The following DAB1 variants were observed in gnomAD, a reference collection of about 807,000 sequenced individuals.
The protein encoded by DAB1 is disabled homolog 1.
In DAB1, 15 loss-of-function variants were observed where a neutral mutation model predicts 64.6. That is an observed-to-expected ratio of 0.23 (90% CI 0.16 to 0.36). The LOEUF is 0.36. Among genes scored for constraint, DAB1 ranks in the 10% least tolerant of loss-of-function variants. DAB1 has a pLI of 1.00. For missense variants in DAB1, 596 were observed against 706.7 expected (o/e 0.84, Z 1.78); for synonymous variants, 235 against 251.9 (o/e 0.93, Z 0.64).
chr1:58,373,044 T>A (rs1280196814), intron 3 of DAB1, among the ~76,000 whole-genome samples: 1 of 152,196 alleles, frequency 6.6e-6, no homozygotes, highest in Non-Finnish European at 1.5e-5. Context: ...TAATTCTCTG[T>A]GGAAGGAACA....
chr1:57,728,163 T>G (rs1450316971), intron 6 of DAB1, among the ~76,000 whole-genome samples: 1 of 152,242 alleles, frequency 6.6e-6, no homozygotes, highest in Non-Finnish European at 1.5e-5. Context: ...CTCTGTGTGC[T>G]GCAAAGAGAT....
chr1:58,235,428 T>C (rs1659977026), intron 4 of DAB1, among the ~76,000 whole-genome samples: 1 of 152,206 alleles, frequency 6.6e-6, no homozygotes, highest in South Asian at 2.1e-4. Context: ...ACCTGGGCTA[T>C]GAGGGTAAAA....
intron 1 of DAB1, among the ~76,000 whole-genome samples, chr1:58,537,158 T>A (rs900052865): frequency 6.6e-6 from 1 of 151,922 alleles, no homozygotes; most frequent in Admixed American, 6.6e-5. Flanking sequence ...GTTAGGTAAC[T>A]TGTCCATGGC....
At chr1:57,739,550 G>A (rs1265660974) in intron 6 of DAB1, among the ~76,000 whole-genome samples, 2 of 146,294 alleles carry the variant, frequency 1.4e-5, no homozygotes, top group East Asian at 2.1e-4. Flanking sequence ...AGGTTCAAGC[G>A]ATTCTCCTGC....
At chr1:58,333,424 G>A (rs768475488) in intron 4 of DAB1, among the ~76,000 whole-genome samples, 9 of 152,120 alleles carry the variant, frequency 5.9e-5, no homozygotes, top group Non-Finnish European at 1.3e-4. Context: ...AAAATTATAG[G>A]TGTCCACTAA....
At chr1:57,441,572 T>A (rs1002365780) in intron 7 of DAB1, among the ~76,000 whole-genome samples, 3 of 152,080 alleles carry the variant, frequency 2.0e-5, no homozygotes, top group African/African-American at 7.2e-5. Flanking sequence ...CAGGCTGGTC[T>A]CGAACTCCTG....
intron 9 of DAB1, among the ~76,000 whole-genome samples, chr1:57,060,653 CCT>C (rs765377637): frequency 3.9e-5 from 6 of 152,056 alleles, no homozygotes; most frequent in Non-Finnish European, 8.8e-5. Context: ...AGAAAGTCCC[CCT>C]GAGAACACAA....
At chr1:58,107,122 T>C (rs1218833282) in intron 5 of DAB1, among the ~76,000 whole-genome samples, 1 of 151,350 alleles carries the variant, frequency 6.6e-6, no homozygotes, top group Non-Finnish European at 1.5e-5. Flanking sequence ...AATTTCAATA[T>C]AGTGTGATAA....
intron 3 of DAB1, among the ~76,000 whole-genome samples, chr1:58,407,570 C>G (rs956874033): frequency 6.6e-6 from 1 of 152,120 alleles, no homozygotes; most frequent in Non-Finnish European, 1.5e-5. Context: ...AAGGATGCTG[C>G]TAAGTATCCC....
At chr1:58,193,810 C>T (rs1021406497) in intron 4 of DAB1, among the ~76,000 whole-genome samples, 11 of 151,600 alleles carry the variant, frequency 7.3e-5, no homozygotes, top group Non-Finnish European at 1.0e-4. Flanking sequence ...GAGCCAAGAT[C>T]GCACCATTGC....
At chr1:58,228,616 GC>G (rs1034430426) in intron 4 of DAB1, 1 of 692,804 alleles carries the variant, frequency 1.4e-6, no homozygotes. Flanking sequence ...ACCCAGATAT[GC>G]CCCCTTGTGC....
intron 3 of DAB1, among the ~76,000 whole-genome samples, chr1:58,380,587 G>A (rs1026555159): frequency 6.6e-6 from 1 of 152,316 alleles, no homozygotes; most frequent in Non-Finnish European, 1.5e-5. Context: ...TCTGTCCCCT[G>A]AGACAGCAGA....
intron 5 of DAB1, among the ~76,000 whole-genome samples, chr1:58,032,853 A>G (rs1284651500): frequency 1.3e-5 from 2 of 152,162 alleles, no homozygotes; most frequent in African/African-American, 2.4e-5. Context: ...ACAATTTTAC[A>G]AAAGACTCAG....
At chr1:57,758,892 C>T (rs894654709) in intron 6 of DAB1, among the ~76,000 whole-genome samples, 10 of 152,148 alleles carry the variant, frequency 6.6e-5, no homozygotes, top group Admixed American at 2.0e-4. Context: ...ATCCTTTTGA[C>T]ATTTCTGTTA....
chr1:57,933,838 A>G (rs1644986376), intron 5 of DAB1, among the ~76,000 whole-genome samples: 1 of 152,068 alleles, frequency 6.6e-6, no homozygotes, highest in African/African-American at 2.4e-5. Flanking sequence ...TTATACTACC[A>G]TCTACAATGT....
Position 57,234,484 on chromosome 1 carries a change from T to G in DAB1, c.67+56480A>C, listed in dbSNP as rs1667941818. 3.3e-5 allele frequency among the ~76,000 whole-genome samples: 5 copies of G among 152,236 alleles called. No homozygotes were observed. In the South Asian group the frequency reaches 1.0e-3, roughly 32 times the overall value. On this transcript the variant is annotated intron_variant, in intron 2 of 14. Transcript: ENST00000371236. ...TTGTATTGAGTGCTTTAGTTTTTTT[T>G]GTTTTTAATTTTTTCCATAAAATAA...
At chr1:58,304,061 G>A (rs1039676398) in intron 4 of DAB1, among the ~76,000 whole-genome samples, 37 of 152,088 alleles carry the variant, frequency 2.4e-4, no homozygotes, top group African/African-American at 8.7e-4. Context: ...CCCAGGGTGA[G>A]TAGCAATGCA....
At chr1:57,453,211 G>C (rs927064495) in intron 7 of DAB1, among the ~76,000 whole-genome samples, 1 of 152,120 alleles carries the variant, frequency 6.6e-6, no homozygotes, top group Admixed American at 6.5e-5. Flanking sequence ...CTTAATAAAT[G>C]AGAAAGAGCT....
intron 7 of DAB1, among the ~76,000 whole-genome samples, chr1:57,615,010 C>T (rs1027082210): frequency 1.2e-4 from 18 of 151,634 alleles, no homozygotes; most frequent in Non-Finnish European, 2.9e-5. Context: ...GTTGGGACTA[C>T]AGGCACCCAC....
Sources: gnomAD v4.1 joint callset for allele counts (sites outside exome capture counted in the v4.1 genomes callset) on GRCh38, gnomAD v4.1.1 for gene constraint, MANE v1.5 for transcripts, NCBI Gene and HGNC (gene_info 2026-07-23, HGNC 2026-07-21) for gene names.